Variants in NKAIN3 observed in about 807,000 individuals in gnomAD.
NKAIN3 encodes the protein sodium/potassium transporting ATPase interacting 3.
NKAIN3 carries 25 observed loss-of-function variants against 30.2 expected under a neutral mutation model. That is an observed-to-expected ratio of 0.83 (90% CI 0.60 to 1.16). The LOEUF (loss-of-function observed/expected upper bound fraction) is 1.16. Ranked by LOEUF, NKAIN3 falls within the 50% of genes most tolerant of loss-of-function variation. NKAIN3 has a pLI of 0.00. For synonymous variants in NKAIN3, 91 were observed against 89.6 expected (o/e 1.02, Z -0.09); for missense variants, 225 against 254.1 (o/e 0.89, Z 0.78).
chr8:62,289,051 T>A (rs931925853), intron 1 of NKAIN3, among the ~76,000 whole-genome samples: 1 of 152,204 alleles, frequency 6.6e-6, no homozygotes, highest in African/African-American at 2.4e-5. Flanking sequence ...TTTTGAGAAG[T>A]GTCTGTTCAT....
At chr8:62,836,153 A>G (rs1306513453) in intron 4 of NKAIN3, among the ~76,000 whole-genome samples, 2 of 152,076 alleles carry the variant, frequency 1.3e-5, no homozygotes, top group Non-Finnish European at 2.9e-5. Flanking sequence ...GGACATAAAT[A>G]TGGAAACAGT....
chr8:62,280,261 A>T (rs1442628519), intron 1 of NKAIN3, among the ~76,000 whole-genome samples: 1 of 152,210 alleles, frequency 6.6e-6, no homozygotes, highest in Non-Finnish European at 1.5e-5. Context: ...TTATCAGCTT[A>T]AGGAGATTTT....
chr8:62,314,939 G>A (rs1370102894), intron 1 of NKAIN3, among the ~76,000 whole-genome samples: 2 of 152,106 alleles, frequency 1.3e-5, no homozygotes, highest in Non-Finnish European at 2.9e-5. Flanking sequence ...CTCTGATTGT[G>A]GAAGTTGCAG....
intron 1 of NKAIN3, among the ~76,000 whole-genome samples, chr8:62,496,270 G>A (rs923876258): frequency 6.6e-6 from 1 of 152,058 alleles, no homozygotes; most frequent in Non-Finnish European, 1.5e-5. Context: ...CTTTTATATT[G>A]CCTTCCAATC....
At chr8:62,835,867 C>CA (rs1034503326) in intron 4 of NKAIN3, among the ~76,000 whole-genome samples, 14 of 151,854 alleles carry the variant, frequency 9.2e-5, no homozygotes, top group African/African-American at 3.1e-4. Context: ...ATCATTCTAC[C>CA]AAAAAAACAC....
chr8:62,403,968 C>T (rs1803972777), intron 1 of NKAIN3, among the ~76,000 whole-genome samples: 1 of 152,220 alleles, frequency 6.6e-6, no homozygotes, highest in Admixed American at 6.5e-5. Context: ...GCAGAGCTGC[C>T]CAAGGCCATG....
At chr8:62,283,815 T>G (rs897650584) in intron 1 of NKAIN3, among the ~76,000 whole-genome samples, 6 of 152,132 alleles carry the variant, frequency 3.9e-5, no homozygotes, top group Admixed American at 3.9e-4. Context: ...TGGACAAATA[T>G]TTTATTTTAG....
At position 62,619,495 on chromosome 8, in the gene NKAIN3, C is replaced by T. The variant is rs79433581; in HGVS notation, c.273+29701C>T. Among the ~76,000 whole-genome samples the T allele has an allele frequency of 3.2e-3, 493 of 152,214 alleles. 2 individuals are homozygous for T. The highest frequency in any genetic ancestry group is 0.01 in the African/African-American group (427 of 41,526). On this transcript the variant is annotated intron_variant, in intron 3 of 6. Coordinates refer to ENST00000623646, the MANE Select transcript of NKAIN3 (RefSeq NM_001304533.3). ...AAATCTACCTACAACCTGGAAGCCCCCGCTTTAATTTGTCCCACCTTTCTG... is the reference window on the plus strand; with the variant it reads ...AAATCTACCTACAACCTGGAAGCCCTCGCTTTAATTTGTCCCACCTTTCTG...
At chr8:62,431,204 T>A (rs145486987) in intron 1 of NKAIN3, among the ~76,000 whole-genome samples, 197 of 152,060 alleles carry the variant, frequency 1.3e-3, no homozygotes, top group African/African-American at 4.6e-3. Flanking sequence ...GGATTTCTTT[T>A]ATTCTAGTCA....
At chr8:62,568,643 C>T (rs1809829544) in intron 1 of NKAIN3, among the ~76,000 whole-genome samples, 1 of 152,102 alleles carries the variant, frequency 6.6e-6, no homozygotes, top group African/African-American at 2.4e-5. Context: ...GAAAACTTTC[C>T]TTAAGATGTG....
intron 4 of NKAIN3, among the ~76,000 whole-genome samples, chr8:62,858,298 C>T (rs146830237): frequency 6.6e-6 from 1 of 152,222 alleles, no homozygotes; most frequent in Admixed American, 6.5e-5. Flanking sequence ...TACCTGAAGA[C>T]TTTGTTTGGG....
chr8:62,316,747 G>A (rs1022290106), intron 1 of NKAIN3, among the ~76,000 whole-genome samples: 16 of 152,124 alleles, frequency 1.1e-4, no homozygotes, highest in East Asian at 3.9e-4. Context: ...ATATGTGTGC[G>A]TATGTCTTTA....
chr8:62,483,113 T>G (rs1806777663), intron 1 of NKAIN3: 1 of 152,236 alleles, frequency 6.6e-6, no homozygotes, highest in African/African-American at 2.4e-5. Context: ...AAAGAAGCAC[T>G]GTTGTTTTGA....
intron 4 of NKAIN3, among the ~76,000 whole-genome samples, chr8:62,892,581 G>A (rs1315528077): frequency 2.0e-5 from 3 of 151,952 alleles, no homozygotes; most frequent in Non-Finnish European, 4.4e-5. Flanking sequence ...AACCAAATCA[G>A]GCTTGTTACT....
At chr8:62,362,278 A>G (rs1006917819) in intron 1 of NKAIN3, among the ~76,000 whole-genome samples, 2 of 152,184 alleles carry the variant, frequency 1.3e-5, no homozygotes, top group Admixed American at 6.5e-5. Context: ...ACACATTTAG[A>G]CTGCCCTGCA....
intron 3 of NKAIN3, among the ~76,000 whole-genome samples, chr8:62,644,809 AC>A (rs2130310340): frequency 6.6e-6 from 1 of 152,320 alleles, no homozygotes; most frequent in South Asian, 2.1e-4. Flanking sequence ...AGTGTTAAGC[AC>A]AAAACAGATG....
intron 5 of NKAIN3, among the ~76,000 whole-genome samples, chr8:62,922,546 G>T (rs1351205698): frequency 6.6e-6 from 1 of 152,172 alleles, no homozygotes; most frequent in African/African-American, 2.4e-5. Flanking sequence ...CTTCAGAGTA[G>T]AAAACCAGTC....
chr8:62,272,898 A>AGAT (rs1475796331), intron 1 of NKAIN3, among the ~76,000 whole-genome samples: 14 of 152,130 alleles, frequency 9.2e-5, no homozygotes, highest in Non-Finnish European at 1.8e-4. Context: ...CTTCACATAA[A>AGAT]CTGTTGTCAG....
chr8:62,736,095 A>C (rs1815661751), intron 3 of NKAIN3, among the ~76,000 whole-genome samples: 1 of 152,020 alleles, frequency 6.6e-6, no homozygotes, highest in Non-Finnish European at 1.5e-5. Context: ...ATTTTTGTTT[A>C]GTTTTCTGGT....
Sources: allele counts gnomAD v4.1 joint callset (sites outside exome capture counted in the v4.1 genomes callset), GRCh38; gene constraint gnomAD v4.1.1; transcripts MANE v1.5; gene names NCBI Gene and HGNC (gene_info 2026-07-23, HGNC 2026-07-21).